Variants in TMEM132B observed in about 807,000 individuals in gnomAD.
The protein encoded by TMEM132B is transmembrane protein 132B.
In TMEM132B, 18 loss-of-function variants were observed where a neutral mutation model predicts 90.8. That is an observed-to-expected ratio of 0.20 (90% CI 0.14 to 0.29). The LOEUF is 0.29. TMEM132B is among the 10% of genes least tolerant of loss of function. The pLI, the probability that TMEM132B is intolerant of heterozygous loss-of-function variation, is 1.00. For missense variants in TMEM132B, 1,096 were observed against 1,326.8 expected, an observed-to-expected ratio of 0.83 and a Z score of 2.70; for synonymous variants, 504 against 523.3, an observed-to-expected ratio of 0.96 and a Z score of 0.50.
chr12:125,396,195 A>G (rs1268489395), intron 2 of TMEM132B, among the ~76,000 whole-genome samples: 1 of 152,214 alleles, frequency 6.6e-6, no homozygotes, highest in Non-Finnish European at 1.5e-5. Context: ...GGCAGTTTCC[A>G]TTAATCTTTC....
intron 3 of TMEM132B, among the ~76,000 whole-genome samples, chr12:125,504,332 G>GC (rs1185125651): frequency 6.6e-6 from 1 of 152,036 alleles, no homozygotes; most frequent in Non-Finnish European, 1.5e-5. Context: ...GTTTGGATTT[G>GC]TTTTTTTAAT....
intron 1 of TMEM132B, among the ~76,000 whole-genome samples, chr12:125,288,422 C>G (rs1875428642): frequency 7.0e-6 from 1 of 142,072 alleles, no homozygotes; most frequent in Non-Finnish European, 1.5e-5. Context: ...AACATCGCGC[C>G]ACTGCACTCC....
chr12:125,527,085 T>A (rs1250404964), intron 4 of TMEM132B, among the ~76,000 whole-genome samples: 3 of 127,664 alleles, frequency 2.3e-5, no homozygotes, highest in Non-Finnish European at 4.9e-5. Context: ...TATCCACCCA[T>A]CCACCCATCC....
chr12:125,239,819 GA>G (rs1874025972), intron 1 of TMEM132B, among the ~76,000 whole-genome samples: 1 of 152,266 alleles, frequency 6.6e-6, no homozygotes, highest in Admixed American at 6.5e-5. Flanking sequence ...TTGTTGGGGG[GA>G]AGTGGAGAGC....
intron 2 of TMEM132B, among the ~76,000 whole-genome samples, chr12:125,364,534 A>G (rs1343403703): frequency 6.6e-6 from 1 of 152,146 alleles, no homozygotes; most frequent in African/African-American, 2.4e-5. Flanking sequence ...ATTATTAGCT[A>G]GGATTTGATA....
intron 1 of TMEM132B, among the ~76,000 whole-genome samples, chr12:125,248,942 C>T (rs1445670292): frequency 1.3e-5 from 2 of 152,228 alleles, no homozygotes; most frequent in East Asian, 3.9e-4. Context: ...TCTTATTAAC[C>T]ACCTGCCAGT....
intron 1 of TMEM132B, among the ~76,000 whole-genome samples, chr12:125,208,660 T>TG (rs1463964917): frequency 2.6e-5 from 4 of 152,184 alleles, no homozygotes; most frequent in African/African-American, 9.7e-5. Flanking sequence ...TTCCACTGTA[T>TG]GGATAAGGGA....
chr12:125,348,845 A>G, intron 1 of TMEM132B, among the ~76,000 whole-genome samples: 1 of 152,206 alleles, frequency 6.6e-6, no homozygotes, highest in East Asian at 1.9e-4. Context: ...GCAATTCTAA[A>G]TGATGGTGTG....
intron 1 of TMEM132B, among the ~76,000 whole-genome samples, chr12:125,217,869 G>C (rs781075655): frequency 3.3e-5 from 5 of 152,154 alleles, no homozygotes; most frequent in Non-Finnish European, 5.9e-5. Flanking sequence ...AAATTTCCAC[G>C]TGTGCAAAAT....
chr12:125,526,570 C>G (rs990506322), intron 4 of TMEM132B, among the ~76,000 whole-genome samples: 3 of 152,232 alleles, frequency 2.0e-5, no homozygotes, highest in Admixed American at 6.5e-5. Flanking sequence ...TGAGAAGGTG[C>G]TGCTGTCCTG....
At chr12:125,198,505 AG>A in intron 1 of TMEM132B, among the ~76,000 whole-genome samples, 1 of 152,250 alleles carries the variant, frequency 6.6e-6, no homozygotes, top group South Asian at 2.1e-4. Flanking sequence ...TTTCTTTCCT[AG>A]TCATCCTAGC....
chr12:125,477,535 T>C (rs1881918350), intron 3 of TMEM132B, among the ~76,000 whole-genome samples: 1 of 152,196 alleles, frequency 6.6e-6, no homozygotes, highest in Admixed American at 6.5e-5. Context: ...CTAAATTTTT[T>C]TTTTCCTACT....
At chr12:125,472,858 C>T (rs909371252) in intron 3 of TMEM132B, among the ~76,000 whole-genome samples, 4 of 152,164 alleles carry the variant, frequency 2.6e-5, no homozygotes, top group South Asian at 2.1e-4. Flanking sequence ...GTTTAGAAAT[C>T]ACCCAGTCTA....
rs1881419150 is a variant in TMEM132B, at chr12:125,460,843, C to G, written c.1106+45166C>G. Reference sequence around the variant, plus strand: ...GGCCTTTCCTTACAATCTTTTACTTCTGGTCTTTTGAAGACAATGAAACAT... The same window carrying G: ...GGCCTTTCCTTACAATCTTTTACTTGTGGTCTTTTGAAGACAATGAAACAT... On this transcript the variant is annotated intron_variant, in intron 3 of 8. Transcript: ENST00000682704. This position sits in a 1 kb window ranked among gnomAD's most constrained non-coding sequence, Gnocchi z 4.4. Among the ~76,000 whole-genome samples the G allele has an allele frequency of 6.6e-6, 1 of 152,176 alleles. No individual in the cohort carries two copies. The highest frequency in any genetic ancestry group is 1.5e-5 in the Non-Finnish European group (1 of 68,026).
intron 1 of TMEM132B, among the ~76,000 whole-genome samples, chr12:125,305,161 G>A (rs189358794): frequency 2.3e-4 from 35 of 151,974 alleles, no homozygotes; most frequent in East Asian, 2.1e-3. Flanking sequence ...TTTTCAACCC[G>A]TCTCCTACAA....
At chr12:125,565,482 C>G (rs1414195821) in intron 4 of TMEM132B, among the ~76,000 whole-genome samples, 1 of 152,204 alleles carries the variant, frequency 6.6e-6, no homozygotes, top group Non-Finnish European at 1.5e-5. Context: ...TTAACCAGCT[C>G]AATGTCCCCT....
At chr12:125,234,267 C>T (rs1308577974) in intron 1 of TMEM132B, among the ~76,000 whole-genome samples, 1 of 152,196 alleles carries the variant, frequency 6.6e-6, no homozygotes, top group Non-Finnish European at 1.5e-5. Context: ...TTCCTGATCA[C>T]ACAATTCTTG....
chr12:125,513,210 C>CTTCATTCATTCATTCA (rs5801605), intron 3 of TMEM132B, among the ~76,000 whole-genome samples: 4 of 151,686 alleles, frequency 2.6e-5, no homozygotes, highest in African/African-American at 9.8e-5. Flanking sequence ...GTTTAACACT[C>CTTCATTCATTCATTCA]TTCATTCATT....
intron 1 of TMEM132B, among the ~76,000 whole-genome samples, chr12:125,268,177 C>T (rs1874740662): frequency 6.6e-6 from 1 of 152,232 alleles, no homozygotes; most frequent in Non-Finnish European, 1.5e-5. Flanking sequence ...GATCTATCAA[C>T]TTCATAAATG....
Sources: gnomAD v4.1 joint callset for allele counts (sites outside exome capture counted in the v4.1 genomes callset) on GRCh38, gnomAD v4.1.1 for gene constraint, Gnocchi (gnomAD v3.1) non-coding constraint, MANE v1.5 for transcripts, NCBI Gene and HGNC (gene_info 2026-07-23, HGNC 2026-07-21) for gene names.